Variants in CEP192 observed in about 807,000 individuals in gnomAD.
CEP192 encodes centrosomal protein 192.
CEP192 carries 151 observed loss-of-function variants against 271.8 expected under a neutral mutation model. That is an observed-to-expected ratio of 0.56 (90% CI 0.49 to 0.64). The LOEUF (loss-of-function observed/expected upper bound fraction) is 0.64. Among genes scored for constraint, CEP192 ranks in the 30% least tolerant of loss-of-function variants. CEP192 has a pLI of 0.00. For synonymous variants in CEP192, 995 were observed against 1,076.5 expected (o/e 0.92, Z 1.48); for missense variants, 2,910 against 3,020.5 (o/e 0.96, Z 0.86).
intron 24 of CEP192, 81 bp from the exon 25 acceptor site, chr18:13,068,771 G>T: frequency 6.8e-7 from 1 of 1,467,946 alleles, no homozygotes. Context: ...TGCCCCTAAG[G>T]GCACTGTGTG....
chr18:13,040,736 A>G, intron 13 of CEP192, 94 bp from the exon 14 acceptor site: 1 of 974,274 alleles, frequency 1.0e-6, no homozygotes, highest in Non-Finnish European at 1.5e-6. Flanking sequence ...TTTTGATGTC[A>G]TTTAGCTGTT....
intron 4 of CEP192, among the ~76,000 whole-genome samples, chr18:13,010,296 GT>G (rs1248198524): frequency 6.6e-6 from 1 of 152,152 alleles, no homozygotes; most frequent in African/African-American, 2.4e-5. Flanking sequence ...CACTTATATA[GT>G]GTGGTATTCT....
chr18:13,016,547 T>C (rs2034657001), intron 6 of CEP192, among the ~76,000 whole-genome samples: 2 of 152,218 alleles, frequency 1.3e-5, no homozygotes, highest in African/African-American at 4.8e-5. Flanking sequence ...AAATAATCAT[T>C]GACCTGAATG....
Position 13,087,215 on chromosome 18 carries a change from C to G in CEP192, c.5815C>G (p.Leu1939Val). 1 of 1,613,524 alleles carries G rather than the reference C, an allele frequency of 6.2e-7. No individual in the cohort carries two copies. The change falls in exon 31 of 45, where the codon CTG becomes GTG. Residue 1939 changes from leucine to valine, a missense_variant. Coordinates refer to ENST00000506447, the MANE Select transcript of CEP192 (RefSeq NM_032142.4). Reference protein sequence around the residue: ...GFKDSQKKVLLDPKVLRIFPD... With the variant: ...GFKDSQKKVLVDPKVLRIFPD... ...TAAGGATTCTCAGAAAAAAGTTTTGCTGGATCCTAAAGTATTGAGGATTTT... is the reference window on the plus strand; with the variant it reads ...TAAGGATTCTCAGAAAAAAGTTTTGGTGGATCCTAAAGTATTGAGGATTTT...
In CEP192 at chr18:13,087,283, T is replaced by C; in HGVS notation, c.5877+6T>C. The C allele has an allele frequency of 6.3e-7, 1 of 1,583,634 alleles. No individual in the cohort carries two copies. Among genetic ancestry groups the C allele is most frequent in the Non-Finnish European group, 8.6e-7 (1 of 1,160,582 alleles). On this transcript the variant is annotated splice_donor_region_variant and intron_variant, in intron 31 of 44. Transcript: ENST00000506447. The stretch of plus-strand genomic sequence containing the variant: ...TCAAGGAAAGAACACAAGAAGTAAG[T>C]ACAAAAGTTTCTGTGCTAAAAACAT...
At chr18:13,057,840 C>A in intron 20 of CEP192, 107 bp downstream of exon 20, 2 of 978,206 alleles carry the variant, frequency 2.0e-6, no homozygotes, top group Non-Finnish European at 3.0e-6. Context: ...TTTATTAATG[C>A]ACACAGTCAT....
rs548089892 is a variant in CEP192 at position 13,021,409 on chromosome 18, A to C, written c.1050+2203A>C. Among the ~76,000 whole-genome samples the C allele has an allele frequency of 1.1e-4, 17 of 152,346 alleles. No individual in the cohort carries two copies. The South Asian group carries it at 3.5e-3, about 32-fold the overall frequency. ...ATTGAATGGTCTTGGCACTTTTGTC[A>C]GAAATCAATTTATCATGTATGTGAG... On this transcript the variant is annotated intron_variant, in intron 9 of 44. Coordinates refer to ENST00000506447, the MANE Select transcript of CEP192 (RefSeq NM_032142.4).
At position 13,111,630 on chromosome 18, in the gene CEP192, G is replaced by A. The variant is rs955168301; in HGVS notation, c.7048-1956G>A. On this transcript the variant is annotated intron_variant, in intron 40 of 44. Transcript: ENST00000506447. The stretch of plus-strand genomic sequence containing the variant: ...AGCACAAGCCACAAAAGAGAAAATA[G>A]GTGAATTATCAAAATCAAAAAGATC... 7.2e-5 allele frequency among the ~76,000 whole-genome samples: 11 copies of A among 152,246 alleles called. No individual in the cohort carries two copies. The East Asian group carries it at 9.7e-4, about 13-fold the overall frequency.
chr18:13,096,630 G>A (rs1175901892), intron 36 of CEP192, among the ~76,000 whole-genome samples: 1 of 152,204 alleles, frequency 6.6e-6, no homozygotes, highest in Non-Finnish European at 1.5e-5. Flanking sequence ...CACAAAGCAA[G>A]GAATGCAACT....
chr18:13,002,165 C>G (rs893869391), intron 3 of CEP192, among the ~76,000 whole-genome samples: 1 of 152,042 alleles, frequency 6.6e-6, no homozygotes, highest in African/African-American at 2.4e-5. Flanking sequence ...AACTAGAGAA[C>G]AGCCATTGAG....
intron 9 of CEP192, among the ~76,000 whole-genome samples, chr18:13,025,740 G>A (rs920861859): frequency 6.6e-6 from 1 of 151,858 alleles, no homozygotes; most frequent in African/African-American, 2.4e-5. Flanking sequence ...CCCATTCCTT[G>A]TATCATTGCT....
Position 13,057,748 on chromosome 18 carries a change from C to A in CEP192, c.4257+15C>A. ...ATGGTGAAAAGGTAGCTTTCTATGT[C>A]TTTCTCATTTAACCTAACAGTTGCA... On this transcript the variant is annotated intron_variant, in intron 20 of 44. Transcript: ENST00000506447. 1 of 1,610,510 alleles carries A rather than the reference C, an allele frequency of 6.2e-7. No homozygotes were observed. The highest frequency in any genetic ancestry group is 1.1e-5 in the South Asian group (1 of 90,828).
At chr18:13,037,323 C>G (rs550357117) in intron 12 of CEP192, 22 bp downstream of exon 12, 1 of 1,124,058 alleles carries the variant, frequency 8.9e-7, no homozygotes, top group East Asian at 2.6e-5. Flanking sequence ...TTTGTTTTAT[C>G]CAAAATTTAA....
Position 13,049,896 on chromosome 18 carries a change from G to A in CEP192, c.3017+5G>A. Reference sequence around the variant, plus strand: ...TTCTGGAACGAGTTCATCAGGGTAAGTGTGTACCTTCTTTTTTAAAAAATA... The same window carrying A: ...TTCTGGAACGAGTTCATCAGGGTAAATGTGTACCTTCTTTTTTAAAAAATA... On this transcript the variant is annotated splice_donor_5th_base_variant and intron_variant, in intron 17 of 44. Coordinates refer to ENST00000506447, the MANE Select transcript of CEP192 (RefSeq NM_032142.4). 1 of 1,604,354 alleles carries A rather than the reference G, an allele frequency of 6.2e-7. No homozygotes were observed. The highest frequency in any genetic ancestry group is 8.5e-7 in the Non-Finnish European group (1 of 1,177,370).
rs2034136917 is a variant in CEP192 at position 13,008,713 on chromosome 18, T to G, written c.466+82T>G. On this transcript the variant is annotated intron_variant, in intron 4 of 44. Coordinates refer to ENST00000506447, the MANE Select transcript of CEP192 (RefSeq NM_032142.4). ...TTCCTTATCTTTGGATTTTTTTTTT[T>G]TTTTTTTGAGGCAGGGTCGCACTCC... 8.7e-6 allele frequency: 11 copies of G among 1,264,930 alleles called. No individual in the cohort carries two copies. In the South Asian group the frequency reaches 1.6e-4, roughly 18 times the overall value. The allele number at this position is 1,264,930 out of a possible 1,614,324, so 78.4% of individuals were successfully genotyped here.
At chr18:13,055,094 A>G (rs2037012257) in intron 18 of CEP192, among the ~76,000 whole-genome samples, 1 of 152,062 alleles carries the variant, frequency 6.6e-6, no homozygotes, top group Admixed American at 6.5e-5. Context: ...CCTGGCCAAC[A>G]TGGTGAAACC....
chr18:13,084,975 C>T (rs1245709915), intron 30 of CEP192, among the ~76,000 whole-genome samples: 1 of 151,354 alleles, frequency 6.6e-6, no homozygotes, highest in African/African-American at 2.4e-5. Context: ...GCCACCACAC[C>T]CAGCTAATTT....
At chr18:13,000,481 T>A (rs2033571684) in intron 2 of CEP192, 1 of 152,228 alleles carries the variant, frequency 6.6e-6, no homozygotes, top group African/African-American at 2.4e-5. Context: ...TTGGATCTAT[T>A]TAGAGGTATG....
intron 6 of CEP192, among the ~76,000 whole-genome samples, chr18:13,016,901 T>A (rs998532994): frequency 2.6e-5 from 4 of 152,212 alleles, no homozygotes; most frequent in African/African-American, 9.6e-5. Context: ...TCTGCTTTCT[T>A]CTCATTGATT....
Sources: allele counts gnomAD v4.1 joint callset (sites outside exome capture counted in the v4.1 genomes callset), GRCh38; gene constraint gnomAD v4.1.1; transcripts MANE v1.5; gene names NCBI Gene and HGNC (gene_info 2026-07-23, HGNC 2026-07-21).